Variants in SIGLEC11 observed in about 807,000 individuals in gnomAD.
The protein encoded by SIGLEC11 is sialic acid-binding Ig-like lectin 11.
In SIGLEC11, 47 loss-of-function variants were observed where a neutral mutation model predicts 61.2. The ratio of observed to expected loss-of-function variants is 0.77; its 90% CI spans 0.61 to 0.98. SIGLEC11 has a LOEUF of 0.98. SIGLEC11 is among the 50% of genes least tolerant of loss of function. The pLI, the probability that SIGLEC11 is intolerant of heterozygous loss-of-function variation, is 0.00. For missense variants in SIGLEC11, 610 were observed against 870.3 expected (o/e 0.70, Z 3.76); for synonymous variants, 278 against 373.1 (o/e 0.75, Z 2.94).
Position 49,960,768 on chromosome 19 carries a change from T to A in SIGLEC11, c.244A>T (p.Thr82Ser). 1 of 1,613,608 alleles carries A rather than the reference T, an allele frequency of 6.2e-7. No individual in the cohort carries two copies. The highest frequency in any genetic ancestry group is 8.5e-7 in the Non-Finnish European group (1 of 1,180,002). Reference protein sequence around the residue: ...YWFKGRTSPKTGAPVATNNQS... With the variant: ...YWFKGRTSPKSGAPVATNNQS... ...TTGTTAGTGGCCACAGGAGCACCCG[T>A]CTTTGGGCTGGTCCGTCCTTTGAAC... The change falls in exon 2 of 11, where the codon ACG becomes TCG. Residue 82 changes from threonine (T) to serine (S), a missense_variant. Around this residue, in one of 6 missense-constraint regions of SIGLEC11, gnomAD observed 99 missense variants for 131.6 expected, o/e 0.75. Coordinates refer to ENST00000447370, the MANE Select transcript of SIGLEC11 (RefSeq NM_052884.3).
chr19:49,960,111 GC>G, intron 3 of SIGLEC11, 25 bp downstream of exon 3: 1 of 1,453,608 alleles, frequency 6.9e-7, no homozygotes, highest in South Asian at 1.2e-5. Context: ...CTGTCTGCAC[GC>G]CCCACCCTCC....
intron 8 of SIGLEC11, among the ~76,000 whole-genome samples, chr19:49,954,948 A>G (rs1255059648): frequency 2.0e-5 from 3 of 152,154 alleles, no homozygotes; most frequent in Non-Finnish European, 2.9e-5. Flanking sequence ...AATATACGAA[A>G]AATTTCAAAA....
chr19:49,960,436 G>A lies in SIGLEC11; in HGVS notation c.461-15C>T, dbSNP rs780807315. ...CTTAGTCAGGGCTGGGACAGAGACCGGGTGGGAGATTCTTGTGCTGCAGGG... is the reference window on the plus strand; with the variant it reads ...CTTAGTCAGGGCTGGGACAGAGACCAGGTGGGAGATTCTTGTGCTGCAGGG... On this transcript the variant is annotated splice_polypyrimidine_tract_variant and intron_variant, in intron 2 of 10. Coordinates refer to ENST00000447370, the MANE Select transcript of SIGLEC11 (RefSeq NM_052884.3). 1.2e-5 allele frequency: 19 copies of A among 1,595,982 alleles called. 1 individual carries two copies. The highest frequency in any genetic ancestry group is 4.5e-5 in the East Asian group (2 of 44,878).
Position 49,952,339 on chromosome 19 carries a change from G to GACGCCAGCTCCCAGGGCAGCC in SIGLEC11, c.1686_1706dup (p.Gly566_Leu572dup). 6.2e-7 allele frequency: 1 copy of GACGCCAGCTCCCAGGGCAGCC among 1,611,218 alleles called. No individual in the cohort carries two copies. Among genetic ancestry groups the GACGCCAGCTCCCAGGGCAGCC allele is most frequent in the Admixed American group, 1.7e-5 (1 of 59,998 alleles). ...AGGAACAGAAAGCGAGCAGGGCAGCGACGCCAGCTCCCAGGGCAGCCCCCA... is the reference window on the plus strand; with the variant it reads ...AGGAACAGAAAGCGAGCAGGGCAGCGACGCCAGCTCCCAGGGCAGCCACGCCAGCTCCCAGGGCAGCCCCCA... On this transcript the variant is annotated inframe_insertion, in exon 9 of 11. Coordinates refer to ENST00000447370, the MANE Select transcript of SIGLEC11 (RefSeq NM_052884.3).
chr19:49,949,777 G>C lies in SIGLEC11; in HGVS notation c.*193C>G. ...GGCTCACTTCAACCTGGCAGGTTGA[G>C]GCTACAGTGAGCTGAGATTGCACCA... On this transcript the variant is annotated 3_prime_UTR_variant, in exon 11 of 11. Coordinates refer to ENST00000447370, the MANE Select transcript of SIGLEC11 (RefSeq NM_052884.3). 3 of 466,900 alleles carry C rather than the reference G, an allele frequency of 6.4e-6. No individual in the cohort carries two copies. The highest frequency in any genetic ancestry group is 1.0e-5 in the Non-Finnish European group (3 of 292,916). The allele number at this position is 466,900 out of a possible 1,614,324, so 28.9% of individuals were successfully genotyped here. A position where few individuals can be genotyped will look rare whatever the true frequency, so the allele number is the denominator to read the frequency against.
At position 49,958,355 on chromosome 19, in the gene SIGLEC11, C is replaced by G. The variant is rs138849107; in HGVS notation, c.1579G>C (p.Gly527Arg). The change falls in exon 8 of 11, where the codon GGC becomes CGC. Residue 527 changes from glycine (G) to arginine (R), a missense_variant. This residue lies in a region of SIGLEC11 where 432 missense variants were observed against 441.5 expected (regional missense o/e 0.98). Coordinates refer to ENST00000447370, the MANE Select transcript of SIGLEC11 (RefSeq NM_052884.3). ...SLSLHGGLSSGLRLRCKAWNV... is the reference protein window; with the variant it reads ...SLSLHGGLSSRLRLRCKAWNV... Reference sequence around the variant, plus strand: ...CAGGCCTTACAGCGGAGCCTGAGGCCGGAGCTGAGCCCTCCATGGAGGCTC... The same window carrying G: ...CAGGCCTTACAGCGGAGCCTGAGGCGGGAGCTGAGCCCTCCATGGAGGCTC... 1.5e-5 allele frequency: 24 copies of G among 1,614,184 alleles called. No homozygotes were observed. Among genetic ancestry groups the G allele is most frequent in the Middle Eastern group, 1.6e-4 (1 of 6,062 alleles).
Position 49,952,407 on chromosome 19 carries a change from A to T in SIGLEC11, c.1652-13T>A. The T allele has an allele frequency of 6.2e-7, 1 of 1,600,576 alleles. No homozygotes were observed. Among genetic ancestry groups the T allele is most frequent in the Non-Finnish European group, 8.5e-7 (1 of 1,177,852 alleles). On this transcript the variant is annotated splice_polypyrimidine_tract_variant and intron_variant, in intron 8 of 10. Coordinates refer to ENST00000447370, the MANE Select transcript of SIGLEC11 (RefSeq NM_052884.3). Reference sequence around the variant, plus strand: ...TGCTCCAGCTTCCCTGCATGGGAGCAGGGTTTGGGGTGGTGCCCTCCTGGC... The same window carrying T: ...TGCTCCAGCTTCCCTGCATGGGAGCTGGGTTTGGGGTGGTGCCCTCCTGGC...
chr19:49,954,805 G>A (rs1032597166), intron 8 of SIGLEC11, among the ~76,000 whole-genome samples: 1 of 152,056 alleles, frequency 6.6e-6, no homozygotes. Flanking sequence ...TGAATGCTCA[G>A]GCATACACTC....
Sources: allele counts gnomAD v4.1 joint callset (sites outside exome capture counted in the v4.1 genomes callset), GRCh38; gene constraint gnomAD v4.1.1; regional missense constraint gnomAD v4.1.1; transcripts MANE v1.5; gene names NCBI Gene and HGNC (gene_info 2026-07-23, HGNC 2026-07-21).